The following DOCK8 variants were observed in gnomAD, a reference collection of about 807,000 sequenced individuals.
DOCK8 encodes the protein dedicator of cytokinesis protein 8.
In DOCK8, 141 loss-of-function variants were observed where a neutral mutation model predicts 245.6. That is an observed-to-expected ratio of 0.57 (90% confidence interval 0.50 to 0.66). The LOEUF (loss-of-function observed/expected upper bound fraction) is 0.66. Ranked by LOEUF, DOCK8 falls within the 30% of genes least tolerant of loss-of-function variation. The probability of loss-of-function intolerance (pLI) is 0.00; values close to 1 mark genes in which losing one functional copy is unlikely to be tolerated. For missense variants in DOCK8, 2,965 were observed against 2,603.4 expected (o/e 1.14, Z -3.02); for synonymous variants, 1,168 against 970.2 (o/e 1.20, Z -3.79).
chr9:394,436 G>GT (rs928424955), intron 24 of DOCK8, among the ~76,000 whole-genome samples: 13 of 152,278 alleles, frequency 8.5e-5, no homozygotes, highest in Middle Eastern at 3.4e-3. Flanking sequence ...GTTTTGTTTT[G>GT]TTTTTTTCCA....
chr9:357,722 C>G (rs769438363), intron 14 of DOCK8, among the ~76,000 whole-genome samples: 1 of 152,166 alleles, frequency 6.6e-6, no homozygotes, highest in Admixed American at 6.5e-5. Context: ...TACTAAGGGG[C>G]AAGCTGCTGC....
chr9:419,616 C>T (rs183747236), intron 30 of DOCK8, among the ~76,000 whole-genome samples: 104 of 152,294 alleles, frequency 6.8e-4, no homozygotes, highest in South Asian at 1.5e-3. Flanking sequence ...ATTTCCCTCC[C>T]ATACCCACAA....
chr9:304,520 C>A (rs781606850), intron 4 of DOCK8, 61 bp from the exon 5 acceptor site: 5 of 1,606,956 alleles, frequency 3.1e-6, no homozygotes, highest in East Asian at 2.2e-5. Context: ...TATTTTTAAT[C>A]TAATGGTTTG....
chr9:399,044 T>G, intron 25 of DOCK8, 102 bp from the exon 26 acceptor site: 1 of 1,084,270 alleles, frequency 9.2e-7, no homozygotes, highest in Non-Finnish European at 1.4e-6. Flanking sequence ...GGACAGTGGC[T>G]GAAATAATAG....
chr9:353,717 G>A (rs1156283705), intron 14 of DOCK8, among the ~76,000 whole-genome samples: 1 of 152,184 alleles, frequency 6.6e-6, no homozygotes, highest in Non-Finnish European at 1.5e-5. Flanking sequence ...TTTGGACTAT[G>A]CAAATGGTGT....
intron 23 of DOCK8, 23 bp from the exon 24 acceptor site, chr9:390,448 T>C: frequency 6.2e-7 from 1 of 1,607,506 alleles, no homozygotes; most frequent in Non-Finnish European, 8.5e-7. Flanking sequence ...TTTCACAGCC[T>C]AATTTTTGTG....
intron 4 of DOCK8, among the ~76,000 whole-genome samples, chr9:294,712 C>G (rs1050495607): frequency 1.3e-5 from 2 of 152,146 alleles, no homozygotes; most frequent in African/African-American, 4.8e-5. Context: ...TTGCCAAAAA[C>G]TGGAAGAAAA....
At chr9:452,152 C>A in intron 46 of DOCK8, 35 bp downstream of exon 46, 1 of 1,379,740 alleles carries the variant, frequency 7.2e-7, no homozygotes, top group Non-Finnish European at 1.0e-6. Flanking sequence ...TTCAGTAGAG[C>A]AGTGGTTCTC....
chr9:298,214 C>G (rs1349859626), intron 4 of DOCK8, among the ~76,000 whole-genome samples: 2 of 152,166 alleles, frequency 1.3e-5, no homozygotes, highest in Non-Finnish European at 2.9e-5. Context: ...CACCTGAGGT[C>G]AGGAGTTCGA....
At chr9:376,868 C>A in intron 19 of DOCK8, 109 bp from the exon 20 acceptor site, 1 of 986,518 alleles carries the variant, frequency 1.0e-6, no homozygotes, top group South Asian at 1.4e-5. Context: ...TGGTCTGAAA[C>A]GCTGGATAAG....
intron 1 of DOCK8, chr9:267,980 C>T (rs2048073394): frequency 6.6e-6 from 1 of 152,186 alleles, no homozygotes; most frequent in Admixed American, 6.5e-5. Flanking sequence ...TTGCATATTA[C>T]AGTATTACTT....
intron 14 of DOCK8, among the ~76,000 whole-genome samples, chr9:353,827 T>C (rs2052293060): frequency 6.6e-6 from 1 of 152,196 alleles, no homozygotes; most frequent in Non-Finnish European, 1.5e-5. Context: ...TGTGGTGCTT[T>C]GGGGGAAAAG....
chr9:301,200 T>A (rs1215588383), intron 4 of DOCK8, among the ~76,000 whole-genome samples: 2 of 152,098 alleles, frequency 1.3e-5, no homozygotes, highest in Non-Finnish European at 2.9e-5. Context: ...CACAAATCAA[T>A]AAATGAGACT....
At chr9:458,626 A>G (rs2057712986) in intron 46 of DOCK8, among the ~76,000 whole-genome samples, 2 of 152,084 alleles carry the variant, frequency 1.3e-5, no homozygotes, top group Admixed American at 6.5e-5. Flanking sequence ...CCTGGGCAAC[A>G]TGGCAAAACC....
intron 2 of DOCK8, among the ~76,000 whole-genome samples, chr9:275,974 T>C (rs113949483): frequency 3.3e-3 from 500 of 152,100 alleles, no homozygotes; most frequent in Middle Eastern, 0.02. Context: ...CTCTGCAACC[T>C]CTGCCTCCTG....
rs966307201 is a variant in DOCK8 at position 307,239 on chromosome 9, A to G, written c.528+2535A>G. 4.6e-5 allele frequency among the ~76,000 whole-genome samples: 7 copies of G among 151,722 alleles called. No individual in the cohort carries two copies. In the South Asian group the frequency reaches 6.3e-4, roughly 14 times the overall value. ...GCATAAAAGGGTGAATTTGGAGCCC[A>G]GAAACAATAGGTGAAGACCAGCGTA... On this transcript the variant is annotated intron_variant, in intron 5 of 47. Transcript: ENST00000432829.
chr9:362,538 C>T (rs775355021), intron 14 of DOCK8, among the ~76,000 whole-genome samples: 1 of 152,210 alleles, frequency 6.6e-6, no homozygotes, highest in Non-Finnish European at 1.5e-5. Flanking sequence ...GACACTGGAG[C>T]TCAGCAGCCA....
At chr9:305,273 A>G (rs926218974) in intron 5 of DOCK8, among the ~76,000 whole-genome samples, 1 of 151,712 alleles carries the variant, frequency 6.6e-6, no homozygotes, top group Non-Finnish European at 1.5e-5. Context: ...TGTTATTGTC[A>G]TTATTCTTTT....
At chr9:316,072 G>C (rs1467239687) in intron 6 of DOCK8, among the ~76,000 whole-genome samples, 1 of 152,174 alleles carries the variant, frequency 6.6e-6, no homozygotes, top group Non-Finnish European at 1.5e-5. Context: ...GTAATGATGA[G>C]CTTACCACAT....
Sources: gnomAD v4.1 joint callset for allele counts (sites outside exome capture counted in the v4.1 genomes callset) on GRCh38, gnomAD v4.1.1 for gene constraint, MANE v1.5 for transcripts, NCBI Gene and HGNC (gene_info 2026-07-23, HGNC 2026-07-21) for gene names.